The following DNAH9 variants were observed in gnomAD, a reference collection of about 807,000 sequenced individuals.
The protein encoded by DNAH9 is dynein axonemal heavy chain 9.
DNAH9 carries 345 observed loss-of-function variants against 471.6 expected under a neutral mutation model. That is an observed-to-expected ratio of 0.73 (90% CI 0.67 to 0.80). The LOEUF (loss-of-function observed/expected upper bound fraction) is 0.80, where lower values mean the gene tolerates loss of function less well. DNAH9 is among the 30% of genes least tolerant of loss of function. DNAH9 has a pLI of 0.00. For synonymous variants in DNAH9, 2,093 were observed against 2,123.6 expected, an observed-to-expected ratio of 0.99 and a Z score of 0.40; for missense variants, 5,407 against 5,609.2, an observed-to-expected ratio of 0.96 and a Z score of 1.15.
chr17:11,746,462 T>C (rs140109465), intron 31 of DNAH9, among the ~76,000 whole-genome samples: 1 of 152,230 alleles, frequency 6.6e-6, no homozygotes, highest in African/African-American at 2.4e-5. Context: ...AAGTGTAAGA[T>C]CAGACTCCAT....
At chr17:11,906,447 T>C (rs1010664430) in intron 61 of DNAH9, among the ~76,000 whole-genome samples, 1 of 150,912 alleles carries the variant, frequency 6.6e-6, no homozygotes, top group Non-Finnish European at 1.5e-5. Context: ...GCCAACATGG[T>C]GAAACCCCAT....
chr17:11,809,780 AGTAAGTCTTCCATATAAGTAT>A (rs1347822545), intron 44 of DNAH9, among the ~76,000 whole-genome samples: 3 of 142,492 alleles, frequency 2.1e-5, no homozygotes, highest in African/African-American at 7.5e-5. Flanking sequence ...CATATACGTA[AGTAAGTCTTCCATATAAGTAT>A]GTAAGTCTTA....
chr17:11,610,847 CTT>C (rs1416989784), intron 3 of DNAH9, among the ~76,000 whole-genome samples: 1 of 152,146 alleles, frequency 6.6e-6, no homozygotes, highest in African/African-American at 2.4e-5. Context: ...TTAATCAACT[CTT>C]TAACATTTTT....
intron 14 of DNAH9, among the ~76,000 whole-genome samples, chr17:11,661,230 A>G (rs1324731963): frequency 6.6e-6 from 1 of 151,630 alleles, no homozygotes; most frequent in Non-Finnish European, 1.5e-5. Context: ...TGATAATAAT[A>G]TAGCCTTTCC....
intron 27 of DNAH9, among the ~76,000 whole-genome samples, chr17:11,723,952 C>T (rs1229068218): frequency 6.6e-6 from 1 of 152,138 alleles, no homozygotes; most frequent in Admixed American, 6.5e-5. Flanking sequence ...GGATTACAGG[C>T]GTGAGCCACT....
intron 43 of DNAH9, 53 bp downstream of exon 43, chr17:11,797,846 C>T: frequency 6.4e-7 from 1 of 1,555,378 alleles, no homozygotes; most frequent in Non-Finnish European, 8.7e-7. Context: ...TTCCCAATGA[C>T]AGGGGTCTCA....
intron 15 of DNAH9, among the ~76,000 whole-genome samples, chr17:11,668,683 AAAAC>A (rs1385688947): frequency 1.3e-3 from 194 of 150,346 alleles, no homozygotes; most frequent in African/African-American, 4.5e-3. Context: ...AAAAAAAAAA[AAAAC>A]AATCAATCTC....
At chr17:11,682,949 CTTTGGGGACTATCTT>C (rs1393574834) in intron 19 of DNAH9, among the ~76,000 whole-genome samples, 9 of 152,144 alleles carry the variant, frequency 5.9e-5, no homozygotes, top group Non-Finnish European at 1.2e-4. Flanking sequence ...TTGTAGACTC[CTTTGGGGACTATCTT>C]TCAGAGTCTG....
At chr17:11,654,355 C>CAAAAAAAAAAAAAAAAAAAAAAA (rs527835262) in intron 14 of DNAH9, among the ~76,000 whole-genome samples, 2 of 11,260 alleles carry the variant, frequency 1.8e-4, no homozygotes, top group Admixed American at 1.8e-3. Context: ...GACTCCGTCT[C>CAAAAAAAAAAAAAAAAAAAAAAA]AAAAAAAAAA....
At position 11,781,280 on chromosome 17, in the gene DNAH9, G is replaced by A; in HGVS notation, c.7718+106G>A. 5 of 1,215,282 alleles carry A rather than the reference G, an allele frequency of 4.1e-6. No individual in the cohort carries two copies. In the South Asian group the frequency reaches 9.1e-5, roughly 22 times the overall value. The allele number at this position is 1,215,282 out of a possible 1,614,324, so 75.3% of individuals were successfully genotyped here. A position where few individuals can be genotyped will look rare whatever the true frequency, so the allele number is the denominator to read the frequency against. ...AACGGCAAACCTCAGCATAGCTCTG[G>A]TGCCAGATGGGAATCTTTGTGGTAA... is the stretch of plus-strand genomic sequence containing the variant. On this transcript the variant is annotated intron_variant, in intron 39 of 68. Transcript: ENST00000262442.
At chr17:11,819,021 T>A (rs866892494) in intron 45 of DNAH9, among the ~76,000 whole-genome samples, 1 of 152,016 alleles carries the variant, frequency 6.6e-6, no homozygotes, top group African/African-American at 2.4e-5. Flanking sequence ...TTTATTCTAT[T>A]CCATCTTTTC....
At chr17:11,652,575 G>A (rs912759165) in intron 13 of DNAH9, among the ~76,000 whole-genome samples, 186 bp from the exon 14 acceptor site, 11 of 152,178 alleles carry the variant, frequency 7.2e-5, no homozygotes, top group South Asian at 4.2e-4. Flanking sequence ...GTGACCCACC[G>A]TGCCCGGCCA....
chr17:11,836,478 A>G (rs1299896032), intron 49 of DNAH9, among the ~76,000 whole-genome samples: 1 of 152,212 alleles, frequency 6.6e-6, no homozygotes, highest in East Asian at 1.9e-4. Flanking sequence ...GAAAAACACA[A>G]GATTTTTCCA....
chr17:11,949,766 A>G (rs1975293064), intron 67 of DNAH9, among the ~76,000 whole-genome samples: 11 of 152,194 alleles, frequency 7.2e-5, no homozygotes, highest in Admixed American at 7.2e-4. Context: ...GGTGTGAGCC[A>G]CCATGCCCAG....
intron 27 of DNAH9, among the ~76,000 whole-genome samples, chr17:11,719,935 A>G (rs191207141): frequency 6.6e-6 from 1 of 152,320 alleles, no homozygotes; most frequent in East Asian, 1.9e-4. Context: ...GTAGAAGTGG[A>G]CATTCCCCAG....
chr17:11,722,700 C>T (rs143498930), intron 27 of DNAH9, among the ~76,000 whole-genome samples: 1 of 152,236 alleles, frequency 6.6e-6, no homozygotes, highest in East Asian at 1.9e-4. Context: ...GACAGGAGAA[C>T]AGCGCAAAGA....
chr17:11,704,436 T>C lies in DNAH9; in HGVS notation c.5385T>C (p.Ala1795=). The C allele has an allele frequency of 6.2e-7, 1 of 1,612,802 alleles. No individual in the cohort carries two copies. Residue 1795 remains alanine (A), a synonymous_variant, in exon 25 of 69, where the codon GCT becomes GCC. Transcript: ENST00000262442. ...HARDVVAKMI[A]QKVDNAQAFL... ...GGGATGTGGTAGCCAAGATGATTGC[T>C]CAGAAGGTGGGTCCCAAACATCCAG...
At chr17:11,681,437 A>G (rs1043570173) in intron 19 of DNAH9, among the ~76,000 whole-genome samples, 5 of 152,176 alleles carry the variant, frequency 3.3e-5, no homozygotes. Context: ...CCCACGCTGC[A>G]CATACTTGGG....
chr17:11,969,472 A>C lies in DNAH9; in HGVS notation c.13406A>C (p.Lys4469Thr). The change falls in exon 69 of 69, where the codon AAG becomes ACG. Residue 4469 changes from lysine to threonine, a missense_variant. Lys to Thr is a moderately conservative substitution (Grantham distance 78). Transcript: ENST00000262442. ...GTGTGGACTTTCAACCTGAAGACTAAGGAAAACCCATCCAAGTGGGTTCTG... is the reference window on the plus strand; with the variant it reads ...GTGTGGACTTTCAACCTGAAGACTACGGAAAACCCATCCAAGTGGGTTCTG... ...TYVWTFNLKT[K>T]ENPSKWVLAG... The C allele has an allele frequency of 1.9e-6, 3 of 1,613,994 alleles. No homozygotes were observed. The highest frequency in any genetic ancestry group is 3.4e-4 in the Middle Eastern group (2 of 5,956).
Sources: allele counts gnomAD v4.1 joint callset (sites outside exome capture counted in the v4.1 genomes callset), GRCh38; gene constraint gnomAD v4.1.1; transcripts MANE v1.5; gene names NCBI Gene and HGNC (gene_info 2026-07-23, HGNC 2026-07-21).